PTPRD: variants seen among roughly 807,000 people sequenced by gnomAD.
The protein encoded by PTPRD is protein tyrosine phosphatase receptor type D, also known as receptor-type tyrosine-protein phosphatase delta.
A neutral mutation model predicts 214.5 loss-of-function variants in PTPRD; 34 were observed. The observed-to-expected ratio is 0.16, with a 90% CI of 0.12 to 0.21. The LOEUF is 0.21. Among genes scored for constraint, PTPRD ranks in the 10% least tolerant of loss-of-function variants. The pLI is 1.00. For missense variants in PTPRD, 2,545 were observed against 2,398.7 expected, an observed-to-expected ratio of 1.06 and a Z score of -1.27; for synonymous variants, 1,128 against 845.7, an observed-to-expected ratio of 1.33 and a Z score of -5.79.
At chr9:10,422,696 T>C (rs1395760128) in intron 2 of PTPRD, among the ~76,000 whole-genome samples, 2 of 151,890 alleles carry the variant, frequency 1.3e-5, no homozygotes, top group Non-Finnish European at 2.9e-5. Context: ...CAACAGACAC[T>C]TAAAAAAGTG....
intron 9 of PTPRD, among the ~76,000 whole-genome samples, chr9:9,305,169 C>G (rs763312207): frequency 6.6e-6 from 1 of 151,668 alleles, no homozygotes; most frequent in Non-Finnish European, 1.5e-5. Context: ...ATACAGTACA[C>G]ATATTTCAGA....
At position 8,740,435 on chromosome 9, in the gene PTPRD, C is replaced by T. The variant is rs193195732; in HGVS notation, c.-103-6489G>A. Among the ~76,000 whole-genome samples, 4 of 152,162 alleles carry T rather than the reference C, an allele frequency of 2.6e-5. No individual in the cohort carries two copies. The East Asian group carries it at 7.7e-4, about 29-fold the overall frequency. ...ATAGTTTTTATAAAATGGCCACATT[C>T]GATTAATATTAGCGAGGGATACGGG... On this transcript the variant is annotated intron_variant, in intron 11 of 45. Transcript: ENST00000381196.
chr9:9,690,010 GCT>G (rs1010819323), intron 7 of PTPRD, among the ~76,000 whole-genome samples: 11 of 151,664 alleles, frequency 7.3e-5, no homozygotes, highest in African/African-American at 2.4e-4. Context: ...CCAGTTATCG[GCT>G]CCATATACTG....
At chr9:10,198,506 C>A (rs1166860722) in intron 3 of PTPRD, among the ~76,000 whole-genome samples, 1 of 152,074 alleles carries the variant, frequency 6.6e-6, no homozygotes, top group African/African-American at 2.4e-5. Context: ...AAAAGATTCA[C>A]AGGACATTTG....
At chr9:10,366,253 C>A (rs1399735272) in intron 2 of PTPRD, among the ~76,000 whole-genome samples, 2 of 152,042 alleles carry the variant, frequency 1.3e-5, no homozygotes, top group Non-Finnish European at 2.9e-5. Context: ...TTCTGGAAAC[C>A]CAACTGGAGA....
intron 11 of PTPRD, among the ~76,000 whole-genome samples, chr9:8,745,045 A>C (rs902241612): frequency 1.3e-5 from 2 of 152,202 alleles, no homozygotes; most frequent in Admixed American, 1.3e-4. Flanking sequence ...CATATATTTC[A>C]TTCAGTTATA....
chr9:8,905,980 G>C (rs929855237), intron 11 of PTPRD, among the ~76,000 whole-genome samples: 1 of 152,120 alleles, frequency 6.6e-6, no homozygotes, highest in African/African-American at 2.4e-5. Context: ...AGTTTTCCAA[G>C]TTTAGTCTTA....
chr9:8,587,568 T>C (rs1348596680), intron 14 of PTPRD, among the ~76,000 whole-genome samples: 1 of 152,206 alleles, frequency 6.6e-6, no homozygotes, highest in Non-Finnish European at 1.5e-5. Flanking sequence ...TTCCTTAAAG[T>C]TTCCTAATCA....
chr9:9,108,135 A>G (rs2099801241), intron 10 of PTPRD, among the ~76,000 whole-genome samples: 1 of 152,276 alleles, frequency 6.6e-6, no homozygotes, highest in East Asian at 1.9e-4. Flanking sequence ...CCAAGCCTGC[A>G]GCATCATAGT....
chr9:8,899,568 C>A (rs2098649068), intron 11 of PTPRD, among the ~76,000 whole-genome samples: 1 of 152,022 alleles, frequency 6.6e-6, no homozygotes, highest in African/African-American at 2.4e-5. Flanking sequence ...ATTTTTGCTC[C>A]CCCCATCCTG....
At chr9:8,713,150 C>T (rs539893821) in intron 12 of PTPRD, among the ~76,000 whole-genome samples, 3 of 152,282 alleles carry the variant, frequency 2.0e-5, no homozygotes, top group East Asian at 1.9e-4. Flanking sequence ...GATAACAAAA[C>T]ACAACTTCTC....
At chr9:10,300,413 C>T (rs12349023) in intron 3 of PTPRD, among the ~76,000 whole-genome samples, 57 of 152,284 alleles carry the variant, frequency 3.7e-4, no homozygotes, top group Middle Eastern at 6.8e-3. Context: ...CAAGACAGAA[C>T]CATTCCCTCC....
At chr9:9,699,344 T>C (rs1051482314) in intron 7 of PTPRD, among the ~76,000 whole-genome samples, 33 of 152,220 alleles carry the variant, frequency 2.2e-4, no homozygotes, top group Non-Finnish European at 2.1e-4. Flanking sequence ...CTAACCACCA[T>C]TATCTTTTAA....
chr9:8,919,307 C>T (rs750483090), intron 11 of PTPRD, among the ~76,000 whole-genome samples: 16 of 150,804 alleles, frequency 1.1e-4, no homozygotes, highest in Non-Finnish European at 1.6e-4. Context: ...GCAGGAGAAT[C>T]GCTTGAACCT....
chr9:10,405,648 C>G (rs537453570), intron 2 of PTPRD, among the ~76,000 whole-genome samples: 77 of 151,546 alleles, frequency 5.1e-4, no homozygotes, highest in Non-Finnish European at 1.5e-4. Flanking sequence ...AGTGTATGTA[C>G]AGAAATTTTG....
At chr9:8,647,185 T>C (rs1003613224) in intron 12 of PTPRD, among the ~76,000 whole-genome samples, 2 of 152,244 alleles carry the variant, frequency 1.3e-5, no homozygotes, top group African/African-American at 4.8e-5. Context: ...TTCTCTTTTA[T>C]GAATATCATT....
intron 5 of PTPRD, among the ~76,000 whole-genome samples, chr9:9,808,060 T>C (rs2045979770): frequency 6.6e-6 from 1 of 152,176 alleles, no homozygotes; most frequent in South Asian, 2.1e-4. Context: ...TAGGCAACTA[T>C]CCAGCTTGAG....
intron 8 of PTPRD, among the ~76,000 whole-genome samples, chr9:9,530,053 A>T (rs1026646664): frequency 2.0e-5 from 3 of 152,124 alleles, no homozygotes; most frequent in African/African-American, 7.2e-5. Context: ...ACATCAAACA[A>T]ATATACAGAT....
At chr9:8,911,385 C>G (rs116206251) in intron 11 of PTPRD, among the ~76,000 whole-genome samples, 1,905 of 137,324 alleles carry the variant, frequency 0.014, 44 homozygotes, top group African/African-American at 0.047. Context: ...GAACTGGATG[C>G]CCATGTGTGT....
Sources: allele counts gnomAD v4.1 joint callset (sites outside exome capture counted in the v4.1 genomes callset), GRCh38; gene constraint gnomAD v4.1.1; transcripts MANE v1.5; gene names NCBI Gene and HGNC (gene_info 2026-07-23, HGNC 2026-07-21).